Variants in LAMA3 observed in about 807,000 individuals in gnomAD.
The protein encoded by LAMA3 is laminin subunit alpha-3.
A neutral mutation model predicts 402.0 loss-of-function variants in LAMA3; 281 were observed. The observed-to-expected ratio is 0.70, with a 90% CI of 0.63 to 0.77. The LOEUF (loss-of-function observed/expected upper bound fraction) is 0.77, where lower values mean the gene tolerates loss of function less well. Ranked by LOEUF, LAMA3 falls within the 30% of genes least tolerant of loss-of-function variation. The pLI, the probability that LAMA3 is intolerant of heterozygous loss-of-function variation, is 0.00. For missense variants in LAMA3, 3,840 were observed against 4,215.5 expected (o/e 0.91, Z 2.47); for synonymous variants, 1,431 against 1,558.4 (o/e 0.92, Z 1.93).
rs548020803 is a variant in LAMA3, at chr18:23,761,216, A to C, written c.1064-2189A>C. On this transcript the variant is annotated intron_variant, in intron 7 of 74. Coordinates refer to ENST00000313654, the MANE Select transcript of LAMA3 (RefSeq NM_198129.4). ...TTTGATGGTACAGAGTTTTGTTCCAAGTGTTTGTTGAGTACCCACTGTGTG... is the reference window on the plus strand; with the variant it reads ...TTTGATGGTACAGAGTTTTGTTCCACGTGTTTGTTGAGTACCCACTGTGTG... Among the ~76,000 whole-genome samples, 14 of 152,276 alleles carry C rather than the reference A, an allele frequency of 9.2e-5. No individual in the cohort carries two copies. In the South Asian group the frequency reaches 2.9e-3, roughly 32 times the overall value.
At chr18:23,932,417 C>G (rs2082189549) in intron 66 of LAMA3, 126 bp downstream of exon 66, 1 of 1,062,462 alleles carries the variant, frequency 9.4e-7, no homozygotes. Flanking sequence ...ATACCACAGT[C>G]TTTCAAAATG....
intron 35 of LAMA3, among the ~76,000 whole-genome samples, chr18:23,862,917 C>A (rs2064258321): frequency 6.6e-6 from 1 of 151,940 alleles, no homozygotes; most frequent in Non-Finnish European, 1.5e-5. Context: ...TCACGTGAGA[C>A]CCTCCATAGG....
chr18:23,905,061 G>A (rs1043813851), intron 51 of LAMA3, among the ~76,000 whole-genome samples: 4 of 151,970 alleles, frequency 2.6e-5, no homozygotes, highest in Non-Finnish European at 4.4e-5. Flanking sequence ...CTTACATCTC[G>A]GTGTGTCTGT....
At chr18:23,922,025 T>G (rs1047447834) in intron 62 of LAMA3, among the ~76,000 whole-genome samples, 4 of 152,224 alleles carry the variant, frequency 2.6e-5, no homozygotes, top group Non-Finnish European at 5.9e-5. Flanking sequence ...CTCCTTCACT[T>G]CGGCATCAGC....
At position 23,919,899 on chromosome 18, in the gene LAMA3, G is replaced by A. The variant is rs1183041711; in HGVS notation, c.7924-1036G>A. ...TTCGGGGGTACATGGGGAGACCGGC[G>A]GGTTGTTGCTGCAGGGACTGGCTAA... On this transcript the variant is annotated intron_variant, in intron 60 of 74. Transcript: ENST00000313654. Among the ~76,000 whole-genome samples, 7 of 152,122 alleles carry A rather than the reference G, an allele frequency of 4.6e-5. No homozygotes were observed. The East Asian group carries it at 1.2e-3, about 25-fold the overall frequency.
Position 23,861,800 on chromosome 18 carries a change from G to T in LAMA3, c.4577G>T (p.Gly1526Val). 1 of 1,612,570 alleles carries T rather than the reference G, an allele frequency of 6.2e-7. No individual in the cohort carries two copies. The highest frequency in any genetic ancestry group is 1.1e-5 in the South Asian group (1 of 90,788). Residue 1526 changes from glycine (G) to valine (V), a missense_variant, in exon 35 of 75, where the codon GGG (glycine) becomes GTG (valine). By Grantham distance (109) the Gly-to-Val change is moderately radical. Around this residue, in one of 3 missense-constraint regions of LAMA3, gnomAD observed 2,109 missense variants for 2,376.0 expected, o/e 0.89. Coordinates refer to ENST00000313654, the MANE Select transcript of LAMA3 (RefSeq NM_198129.4). ...ASWVAPTSYL[G>V]DKVSSYGGYL... ...TGGGTCGCACCCACCTCCTACCTGGGGGACAAGGTAATGATGTCCTGCTGT... is the reference window on the plus strand; with the variant it reads ...TGGGTCGCACCCACCTCCTACCTGGTGGACAAGGTAATGATGTCCTGCTGT...
chr18:23,729,983 T>G (rs1468686563), intron 2 of LAMA3, among the ~76,000 whole-genome samples: 1 of 152,224 alleles, frequency 6.6e-6, no homozygotes, highest in Admixed American at 6.5e-5. Flanking sequence ...GTCATGATGT[T>G]GTTCATCACT....
intron 12 of LAMA3, among the ~76,000 whole-genome samples, chr18:23,793,731 C>G (rs1003032147): frequency 2.0e-5 from 3 of 152,208 alleles, no homozygotes; most frequent in Admixed American, 6.5e-5. Flanking sequence ...CACCAAGCAG[C>G]AGCCACCAGC....
chr18:23,953,123 T>G lies in LAMA3; in HGVS notation c.9856+14T>G, dbSNP rs202215124. 1.0e-4 allele frequency: 165 copies of G among 1,613,668 alleles called. No homozygotes were observed. The African/African-American group carries it at 2.0e-3, about 19-fold the overall frequency. On this transcript the variant is annotated intron_variant, in intron 74 of 74. Coordinates refer to ENST00000313654, the MANE Select transcript of LAMA3 (RefSeq NM_198129.4). ...GAGGTGCTCCAGGTAACTCTTGTCCTGACTTCTATAATGTGTTGCCCTGTG... is the reference window on the plus strand; with the variant it reads ...GAGGTGCTCCAGGTAACTCTTGTCCGGACTTCTATAATGTGTTGCCCTGTG...
Position 23,697,327 on chromosome 18 carries a change from G to A in LAMA3, c.294+7350G>A, listed in dbSNP as rs191675373. Reference sequence around the variant, plus strand: ...GGGGAAAGCTGCCCTCCCCATGCCTGACTTGGTGCACAGTGAATGCATTGC... The same window carrying A: ...GGGGAAAGCTGCCCTCCCCATGCCTAACTTGGTGCACAGTGAATGCATTGC... On this transcript the variant is annotated intron_variant, in intron 1 of 74. Coordinates refer to ENST00000313654, the MANE Select transcript of LAMA3 (RefSeq NM_198129.4). Among the ~76,000 whole-genome samples, 282 of 152,322 alleles carry A rather than the reference G, an allele frequency of 1.9e-3. 1 individual carries two copies. Among genetic ancestry groups the A allele is most frequent in the African/African-American group, 6.4e-3 (268 of 41,576 alleles).
chr18:23,734,667 C>T (rs573021707), intron 2 of LAMA3, among the ~76,000 whole-genome samples: 3 of 152,348 alleles, frequency 2.0e-5, no homozygotes, highest in Admixed American at 2.0e-4. Flanking sequence ...TGAACAGAAA[C>T]TGAGATTCTG....
intron 35 of LAMA3, among the ~76,000 whole-genome samples, chr18:23,862,848 A>G (rs2064256778): frequency 6.6e-6 from 1 of 152,112 alleles, no homozygotes; most frequent in Non-Finnish European, 1.5e-5. Context: ...GCTCACCCAC[A>G]TGGCTGTTAG....
At chr18:23,928,377 G>A in intron 63 of LAMA3, 137 bp downstream of exon 63, 1 of 751,422 alleles carries the variant, frequency 1.3e-6, no homozygotes, top group Non-Finnish European at 2.4e-6. Context: ...CACTCCCCAT[G>A]TGCTTGCAAG....
chr18:23,792,098 A>G (rs957986974), intron 12 of LAMA3, among the ~76,000 whole-genome samples: 2 of 152,134 alleles, frequency 1.3e-5, no homozygotes, highest in African/African-American at 4.8e-5. Context: ...TGGAGGAGAG[A>G]TAATCTGGGA....
At chr18:23,781,087 G>T (rs181774451) in intron 11 of LAMA3, among the ~76,000 whole-genome samples, 131 of 152,356 alleles carry the variant, frequency 8.6e-4, no homozygotes, top group African/African-American at 2.8e-3. Context: ...GTAATGAGGT[G>T]TGGGATGTTC....
At chr18:23,762,731 G>T (rs375744311) in intron 7 of LAMA3, among the ~76,000 whole-genome samples, 11 of 151,866 alleles carry the variant, frequency 7.2e-5, no homozygotes, top group African/African-American at 2.4e-4. Context: ...GGGGGCGGTG[G>T]CAGGGAGAAT....
intron 1 of LAMA3, among the ~76,000 whole-genome samples, chr18:23,700,365 A>G (rs2145842660): frequency 6.6e-6 from 1 of 152,338 alleles, no homozygotes; most frequent in Middle Eastern, 3.4e-3. Flanking sequence ...AAGTAGAAGG[A>G]AGAGGATTGC....
intron 2 of LAMA3, among the ~76,000 whole-genome samples, chr18:23,722,246 T>C (rs1196362489): frequency 6.6e-6 from 1 of 152,204 alleles, no homozygotes; most frequent in African/African-American, 2.4e-5. Context: ...ATCTTCTTTC[T>C]GAGATAACTC....
At chr18:23,911,478 C>A (rs2081421816) in intron 55 of LAMA3, among the ~76,000 whole-genome samples, 1 of 151,988 alleles carries the variant, frequency 6.6e-6, no homozygotes, top group Non-Finnish European at 1.5e-5. Flanking sequence ...ATTTGAATTG[C>A]CTCAACATGC....
Sources: allele counts gnomAD v4.1 joint callset (sites outside exome capture counted in the v4.1 genomes callset), GRCh38; gene constraint gnomAD v4.1.1; regional missense constraint gnomAD v4.1.1; transcripts MANE v1.5; gene names NCBI Gene and HGNC (gene_info 2026-07-23, HGNC 2026-07-21).